Variants in CCDC138 observed in about 807,000 individuals in gnomAD.
The protein encoded by CCDC138 is coiled-coil domain-containing protein 138.
A neutral mutation model predicts 82.3 loss-of-function variants in CCDC138; 66 were observed. That is an observed-to-expected ratio of 0.80 (90% CI 0.66 to 0.98). The LOEUF (loss-of-function observed/expected upper bound fraction) is 0.98. Among genes scored for constraint, CCDC138 ranks in the 50% least tolerant of loss-of-function variants. The probability of loss-of-function intolerance (pLI) is 0.00; values close to 1 mark genes in which losing one functional copy is unlikely to be tolerated. For synonymous variants in CCDC138, 297 were observed against 265.4 expected (o/e 1.12, Z -1.16); for missense variants, 816 against 758.9 (o/e 1.08, Z -0.88).
intron 12 of CCDC138, among the ~76,000 whole-genome samples, chr2:108,850,628 T>C (rs893718242): frequency 6.6e-6 from 1 of 151,996 alleles, no homozygotes; most frequent in African/African-American, 2.4e-5. Flanking sequence ...ATTTTTTCTA[T>C]CTTTAGTAGA....
intron 10 of CCDC138, among the ~76,000 whole-genome samples, chr2:108,833,827 A>G (rs1402261886): frequency 6.9e-6 from 1 of 145,206 alleles, no homozygotes; most frequent in Non-Finnish European, 1.5e-5. Context: ...TCCAAGGTTC[A>G]CGCCATTCTC....
chr2:108,833,418 T>A (rs116421027), intron 10 of CCDC138, among the ~76,000 whole-genome samples: 4,679 of 152,250 alleles, frequency 0.031, 107 homozygotes, highest in South Asian at 0.05. Context: ...AAAAACAAGA[T>A]CTGTTAGTTT....
At chr2:108,806,927 G>A (rs776856433) in intron 7 of CCDC138, among the ~76,000 whole-genome samples, 19 of 152,198 alleles carry the variant, frequency 1.2e-4, no homozygotes, top group Non-Finnish European at 2.6e-4. Context: ...GAAAGGAGCA[G>A]CATTGTGCCT....
chr2:108,844,833 C>T lies in CCDC138; in HGVS notation c.1324-1905C>T, dbSNP rs562007191. 3.3e-4 allele frequency among the ~76,000 whole-genome samples: 50 copies of T among 151,444 alleles called. 2 individuals are homozygous for T. In the South Asian group the frequency reaches 7.3e-3, roughly 22 times the overall value. ...CACGATCTCGGCTCACTGCAACCTC[C>T]GACTCCCAGGTTCAAGCGATTCTCC... On this transcript the variant is annotated intron_variant, in intron 11 of 14. Transcript: ENST00000295124.
At chr2:108,808,041 C>T (rs1683159254) in intron 7 of CCDC138, among the ~76,000 whole-genome samples, 2 of 152,084 alleles carry the variant, frequency 1.3e-5, no homozygotes, top group Admixed American at 1.3e-4. Context: ...TTTTAGCTTC[C>T]ACATGAGTAA....
chr2:108,807,235 T>C (rs914074252), intron 7 of CCDC138, among the ~76,000 whole-genome samples: 4 of 152,092 alleles, frequency 2.6e-5, no homozygotes, highest in Non-Finnish European at 4.4e-5. Context: ...AGTAGAAAAA[T>C]AGATTGACAA....
intron 7 of CCDC138, among the ~76,000 whole-genome samples, chr2:108,807,092 A>G (rs113489261): frequency 1.0e-3 from 155 of 152,354 alleles, no homozygotes; most frequent in African/African-American, 3.5e-3. Flanking sequence ...ATTAATAAGC[A>G]TGTCAAAAGA....
rs182498139 is a variant in CCDC138 at position 108,845,665 on chromosome 2, G to A, written c.1324-1073G>A. Among the ~76,000 whole-genome samples the A allele has an allele frequency of 6.7e-3, 999 of 149,140 alleles. 10 individuals are homozygous for A. The highest frequency in any genetic ancestry group is 0.023 in the African/African-American group (929 of 40,326). ...CGGCTCACTGCAAGCTCCGCCTCCC[G>A]TGTTCACACCATTCTCCTGTCTCAG... On this transcript the variant is annotated intron_variant, in intron 11 of 14. Transcript: ENST00000295124.
At chr2:108,811,245 C>CTTTTTTTTTTTTTTTTTTTTTTTTT (rs144518921) in intron 7 of CCDC138, among the ~76,000 whole-genome samples, 7 of 109,606 alleles carry the variant, frequency 6.4e-5, no homozygotes, top group Non-Finnish European at 1.0e-4. Flanking sequence ...CTTTCTCTCT[C>CTTTTTTTTTTTTTTTTTTTTTTTTT]TCTTTTTTTT....
At chr2:108,800,454 G>A (rs923781545) in intron 6 of CCDC138, among the ~76,000 whole-genome samples, 3 of 151,686 alleles carry the variant, frequency 2.0e-5, no homozygotes, top group African/African-American at 2.4e-5. Context: ...TAGTAGGGAC[G>A]GGGTTTCACC....
intron 10 of CCDC138, among the ~76,000 whole-genome samples, chr2:108,834,689 C>T (rs979689068): frequency 9.9e-5 from 15 of 152,138 alleles, no homozygotes; most frequent in Admixed American, 4.6e-4. Context: ...CAACCATCAT[C>T]GCTATCAATT....
At chr2:108,874,013 G>C (rs1695658762) in intron 14 of CCDC138, among the ~76,000 whole-genome samples, 1 of 152,060 alleles carries the variant, frequency 6.6e-6, no homozygotes, top group South Asian at 2.1e-4. Context: ...TTAGAGTTCT[G>C]ATCTCAGAAC....
chr2:108,859,534 C>T (rs1406975776), intron 13 of CCDC138, among the ~76,000 whole-genome samples: 1 of 152,050 alleles, frequency 6.6e-6, no homozygotes, highest in African/African-American at 2.4e-5. Context: ...AATTTGACAT[C>T]TTTCATTTAA....
chr2:108,847,029 A>G, intron 12 of CCDC138, 99 bp downstream of exon 12: 1 of 730,422 alleles, frequency 1.4e-6, no homozygotes, highest in Non-Finnish European at 2.3e-6. Context: ...CATTTTCAGA[A>G]TGAGGTTTTG....
chr2:108,831,508 T>G (rs1687613945), intron 10 of CCDC138, among the ~76,000 whole-genome samples: 1 of 152,064 alleles, frequency 6.6e-6, no homozygotes, highest in African/African-American at 2.4e-5. Context: ...TGAAGTGAAA[T>G]TTTTTCATGA....
chr2:108,847,678 T>C (rs1690720472), intron 12 of CCDC138, among the ~76,000 whole-genome samples: 1 of 152,236 alleles, frequency 6.6e-6, no homozygotes, highest in Non-Finnish European at 1.5e-5. Context: ...AGGCAATAAA[T>C]ATACCATCTT....
downstream of CCDC138, among the ~76,000 whole-genome samples, chr2:108,879,592 A>G (rs1574350736): frequency 1.3e-5 from 2 of 152,342 alleles, no homozygotes; most frequent in South Asian, 2.1e-4. Context: ...TTAACTTTCT[A>G]ATAGAAAAAT....
intron 12 of CCDC138, among the ~76,000 whole-genome samples, chr2:108,854,306 TGTA>T (rs1692259267): frequency 6.6e-6 from 1 of 151,496 alleles, no homozygotes; most frequent in Non-Finnish European, 1.5e-5. Context: ...GCCAGTATAA[TGTA>T]GTAGTTACTT....
chr2:108,822,305 A>G (rs1245951667), intron 10 of CCDC138, among the ~76,000 whole-genome samples: 1 of 152,236 alleles, frequency 6.6e-6, no homozygotes. Context: ...CTAAAATATT[A>G]TAAAGCAAAC....
Sources: gnomAD v4.1 joint callset for allele counts (sites outside exome capture counted in the v4.1 genomes callset) on GRCh38, gnomAD v4.1.1 for gene constraint, MANE v1.5 for transcripts, NCBI Gene and HGNC (gene_info 2026-07-23, HGNC 2026-07-21) for gene names.